The following LINC00237 variants were observed in gnomAD, a reference collection of about 807,000 sequenced individuals.
LINC00237 encodes long intergenic non-protein coding RNA 237.
intron 2 of LINC00237, chr20:21,089,757 C>T (rs1057150245): frequency 1.3e-5 from 2 of 152,092 alleles, no homozygotes; most frequent in South Asian, 2.1e-4. Context: ...TTTGTGACAA[C>T]CTAGTGATGT....
At chr20:21,090,651 G>A (rs1404175908) in intron 2 of LINC00237, 1 of 152,224 alleles carries the variant, frequency 6.6e-6, no homozygotes, top group Non-Finnish European at 1.5e-5. Context: ...GACACTCGGA[G>A]CTTGCTGCAA....
At chr20:21,089,876 A>C (rs2030769261) in intron 2 of LINC00237, 1 of 152,246 alleles carries the variant, frequency 6.6e-6, no homozygotes, top group Non-Finnish European at 1.5e-5. Flanking sequence ...TTCACTGTCC[A>C]AATATGGGTT....
intron 1 of LINC00237, among the ~76,000 whole-genome samples, chr20:21,100,335 A>G (rs995299871): frequency 6.6e-6 from 1 of 152,246 alleles, no homozygotes; most frequent in African/African-American, 2.4e-5. Context: ...GTAATGTCAA[A>G]TAAAACATTG....
chr20:21,093,966 C>T (rs2122173587), intron 1 of LINC00237: 1 of 152,208 alleles, frequency 6.6e-6, no homozygotes, highest in East Asian at 1.9e-4. Context: ...GTACTTGTAT[C>T]ATAAAAGAGG....
At chr20:21,097,464 T>A (rs114654801) in intron 1 of LINC00237, among the ~76,000 whole-genome samples, 1,774 of 150,642 alleles carry the variant, frequency 0.012, 34 homozygotes, top group African/African-American at 0.041. Flanking sequence ...TATGTCAATT[T>A]AAAAAAAAAA....
intron 1 of LINC00237, among the ~76,000 whole-genome samples, chr20:21,102,851 G>A (rs986626507): frequency 6.6e-6 from 1 of 152,154 alleles, no homozygotes; most frequent in African/African-American, 2.4e-5. Flanking sequence ...CTGTGGTGAT[G>A]GGTGTGCAGC....
chr20:21,094,837 G>A (rs112524509), intron 1 of LINC00237, among the ~76,000 whole-genome samples: 2,199 of 152,294 alleles, frequency 0.014, 44 homozygotes, highest in African/African-American at 0.046. Flanking sequence ...ATCACTTGAC[G>A]TCAGGAGTTT....
At chr20:21,087,234 G>A (rs1397330827) in intron 3 of LINC00237, among the ~76,000 whole-genome samples, 3 of 151,826 alleles carry the variant, frequency 2.0e-5, no homozygotes, top group East Asian at 3.9e-4. Flanking sequence ...ACTTGTTTTC[G>A]CTTAACAGGA....
chr20:21,089,639 A>G (rs1005229225), intron 2 of LINC00237: 2 of 152,148 alleles, frequency 1.3e-5, no homozygotes, highest in African/African-American at 4.8e-5. Flanking sequence ...GCAAAAGCCT[A>G]TGTTTGGGTT....
chr20:21,087,519 A>C (rs944657800), intron 3 of LINC00237: 5 of 152,144 alleles, frequency 3.3e-5, no homozygotes, highest in Non-Finnish European at 7.4e-5. Flanking sequence ...CCCTCCAAAA[A>C]CATCATCCCA....
chr20:21,103,454 C>A (rs1407722715), intron 1 of LINC00237, among the ~76,000 whole-genome samples: 1 of 152,142 alleles, frequency 6.6e-6, no homozygotes, highest in Non-Finnish European at 1.5e-5. Flanking sequence ...CAAGTTCTGC[C>A]CGGTGCCCAT....
intron 2 of LINC00237, among the ~76,000 whole-genome samples, chr20:21,090,931 T>C (rs2030783720): frequency 6.6e-6 from 1 of 152,198 alleles, no homozygotes; most frequent in Non-Finnish European, 1.5e-5. Context: ...GATATGTTGC[T>C]GGGTATCTTG....
chr20:21,095,054 A>G (rs2030839130), intron 1 of LINC00237, among the ~76,000 whole-genome samples: 1 of 152,190 alleles, frequency 6.6e-6, no homozygotes, highest in Non-Finnish European at 1.5e-5. Flanking sequence ...TGTCTCAAAA[A>G]TAAATAAATA....
chr20:21,091,734 G>C (rs16982462), intron 2 of LINC00237, among the ~76,000 whole-genome samples: 2 of 152,140 alleles, frequency 1.3e-5, no homozygotes, highest in African/African-American at 4.8e-5. Flanking sequence ...TCCGCAGCAG[G>C]ATGTAGAGAC....
intron 1 of LINC00237, among the ~76,000 whole-genome samples, chr20:21,100,144 G>A (rs547012801): frequency 1.3e-5 from 2 of 152,176 alleles, no homozygotes; most frequent in African/African-American, 2.4e-5. Flanking sequence ...ATAAGCAGGC[G>A]GTAGTAGCAC....
At chr20:21,088,360 G>A (rs1462670232) in intron 2 of LINC00237, among the ~76,000 whole-genome samples, 4 of 152,168 alleles carry the variant, frequency 2.6e-5, no homozygotes, top group Non-Finnish European at 4.4e-5. Flanking sequence ...ATACAGTGAT[G>A]GAGCCAGGAT....
chr20:21,086,875 CT>C (rs1357312788), intron 3 of LINC00237, among the ~76,000 whole-genome samples: 5 of 128,652 alleles, frequency 3.9e-5, no homozygotes, highest in South Asian at 2.3e-4. Context: ...ATAGTATACA[CT>C]ATATAGTATA....
intron 1 of LINC00237, among the ~76,000 whole-genome samples, chr20:21,103,315 C>T (rs1204311554): frequency 2.0e-5 from 3 of 152,156 alleles, no homozygotes; most frequent in African/African-American, 7.2e-5. Flanking sequence ...AGAGGTTGAA[C>T]CATCTCAAAG....
intron 1 of LINC00237, among the ~76,000 whole-genome samples, chr20:21,099,770 C>T (rs962033216): frequency 2.0e-5 from 3 of 152,156 alleles, no homozygotes; most frequent in African/African-American, 7.2e-5. Flanking sequence ...AGGGCGGGTG[C>T]TTGAGGCTCT....
Sources: allele counts gnomAD v4.1 joint callset (sites outside exome capture counted in the v4.1 genomes callset), GRCh38; gene constraint gnomAD v4.1.1; transcripts MANE v1.5; gene names NCBI Gene and HGNC (gene_info 2026-07-23, HGNC 2026-07-21).